CCDC12: variants seen among roughly 807,000 people sequenced by gnomAD.
The protein encoded by CCDC12 is coiled-coil domain-containing protein 12.
In CCDC12, 28 loss-of-function variants were observed where a neutral mutation model predicts 25.7. The ratio of observed to expected loss-of-function variants is 1.09; its 90% confidence interval spans 0.81 to 1.50. CCDC12 has a LOEUF of 1.50. CCDC12 is among the 40% of genes most tolerant of loss of function. The probability of loss-of-function intolerance (pLI) is 0.00; values close to 1 mark genes in which losing one functional copy is unlikely to be tolerated. For missense variants in CCDC12, 198 were observed against 210.0 expected (o/e 0.94, Z 0.35); for synonymous variants, 75 against 87.7 (o/e 0.86, Z 0.81).
chr3:46,929,458 G>A (rs1007582459), intron 2 of CCDC12, among the ~76,000 whole-genome samples: 2 of 152,170 alleles, frequency 1.3e-5, no homozygotes, highest in African/African-American at 4.8e-5. Flanking sequence ...AGGGTGTGAC[G>A]AGATGGTGCC....
intron 2 of CCDC12, among the ~76,000 whole-genome samples, chr3:46,938,848 T>C (rs551677944): frequency 4.7e-4 from 71 of 151,098 alleles, no homozygotes; most frequent in African/African-American, 1.6e-3. Flanking sequence ...CGAGACCCCA[T>C]CTCAAAAAAA....
chr3:46,946,755 G>A (rs1404698187), intron 1 of CCDC12, among the ~76,000 whole-genome samples: 1 of 152,230 alleles, frequency 6.6e-6, no homozygotes, highest in Non-Finnish European at 1.5e-5. Context: ...CTGTCTGTGT[G>A]TCTGTGTTTG....
At position 46,922,094 on chromosome 3, in the gene CCDC12, T is replaced by C. The variant is rs148952908; in HGVS notation, c.464A>G (p.Asp155Gly). Residue 155 changes from aspartate (D) to glycine (G), a missense_variant, in exon 7 of 7, where the codon GAT becomes GGT. Transcript: ENST00000683445. Reference protein sequence around the residue: ...GQEDSLASAVDAATEQKTCDS... With the variant: ...GQEDSLASAVGAATEQKTCDS... Reference sequence around the variant, plus strand: ...ACAGGTCTTTTGTTCGGTGGCAGCATCCACTGCAGAGGCTAGGCTGTCTTC... The same window carrying C: ...ACAGGTCTTTTGTTCGGTGGCAGCACCCACTGCAGAGGCTAGGCTGTCTTC... 1.2e-6 allele frequency: 2 copies of C among 1,614,122 alleles called. No homozygotes were observed. The highest frequency in any genetic ancestry group is 2.7e-5 in the African/African-American group (2 of 74,948).
intron 2 of CCDC12, among the ~76,000 whole-genome samples, chr3:46,940,062 C>A (rs2033637512): frequency 6.6e-6 from 1 of 152,212 alleles, no homozygotes; most frequent in Non-Finnish European, 1.5e-5. Context: ...AGTCTGGCCC[C>A]AGGAAGAGAG....
At chr3:46,939,691 T>C (rs1036881017) in intron 2 of CCDC12, among the ~76,000 whole-genome samples, 10 of 152,098 alleles carry the variant, frequency 6.6e-5, no homozygotes, top group Non-Finnish European at 1.5e-4. Flanking sequence ...ATCACCAGCC[T>C]CTAAGCATAG....
chr3:46,947,213 T>C (rs1045593995), intron 1 of CCDC12, among the ~76,000 whole-genome samples: 4 of 152,222 alleles, frequency 2.6e-5, no homozygotes, highest in African/African-American at 9.6e-5. Flanking sequence ...ACTTTGAGCC[T>C]TTCCAGTTCT....
upstream of CCDC12, among the ~76,000 whole-genome samples, chr3:46,981,125 G>A (rs994145138): frequency 1.3e-5 from 2 of 152,206 alleles, no homozygotes; most frequent in African/African-American, 4.8e-5. Flanking sequence ...CTCGACTTCT[G>A]AGCCTCTGCT....
At chr3:46,944,462 G>A (rs2033829230) in intron 1 of CCDC12, among the ~76,000 whole-genome samples, 1 of 152,094 alleles carries the variant, frequency 6.6e-6, no homozygotes, top group Non-Finnish European at 1.5e-5. Flanking sequence ...AGGAAAGCAG[G>A]CAAGGCCCTA....
chr3:46,978,317 A>G (rs1416632032), upstream of CCDC12, among the ~76,000 whole-genome samples: 2 of 152,176 alleles, frequency 1.3e-5, no homozygotes, highest in Non-Finnish European at 2.9e-5. Flanking sequence ...ATGAAGCAGG[A>G]CAAAAGGCCA....
intron 1 of CCDC12, among the ~76,000 whole-genome samples, chr3:46,949,034 G>A (rs2107156308): frequency 6.6e-6 from 1 of 152,352 alleles, no homozygotes; most frequent in Non-Finnish European, 1.5e-5. Flanking sequence ...CTTATCCTCG[G>A]TGCACAGATT....
chr3:46,946,666 T>C (rs565012289), intron 1 of CCDC12, among the ~76,000 whole-genome samples: 2 of 152,298 alleles, frequency 1.3e-5, no homozygotes, highest in African/African-American at 4.8e-5. Context: ...GCCTACAAGA[T>C]GTGTCATGGG....
At chr3:46,952,184 G>A (rs2034150382) in intron 1 of CCDC12, among the ~76,000 whole-genome samples, 1 of 152,196 alleles carries the variant, frequency 6.6e-6, no homozygotes, top group Middle Eastern at 3.4e-3. Flanking sequence ...CTGGCACTAA[G>A]AGCAGCTGGA....
At chr3:46,933,620 C>T (rs2033321270) in intron 2 of CCDC12, among the ~76,000 whole-genome samples, 1 of 152,228 alleles carries the variant, frequency 6.6e-6, no homozygotes, top group South Asian at 2.1e-4. Context: ...TCTACACTGA[C>T]AAGTTTGAAC....
At chr3:46,970,749 T>C (rs999990843) in intron 1 of CCDC12, among the ~76,000 whole-genome samples, 1 of 152,170 alleles carries the variant, frequency 6.6e-6, no homozygotes, top group African/African-American at 2.4e-5. Flanking sequence ...AGAGCCTCCA[T>C]TTGGCTGCTG....
At chr3:46,929,514 G>A (rs750842009) in intron 2 of CCDC12, among the ~76,000 whole-genome samples, 4 of 152,154 alleles carry the variant, frequency 2.6e-5, no homozygotes, top group Non-Finnish European at 4.4e-5. Flanking sequence ...TTGTCAGCTG[G>A]CCAGGAAATA....
At chr3:46,972,221 C>T (rs2034825825) in intron 1 of CCDC12, among the ~76,000 whole-genome samples, 1 of 152,210 alleles carries the variant, frequency 6.6e-6, no homozygotes, top group Non-Finnish European at 1.5e-5. Context: ...GTAATCCCAA[C>T]ACTTTGGGAG....
intron 2 of CCDC12, among the ~76,000 whole-genome samples, chr3:46,932,720 G>A (rs961279997): frequency 3.3e-5 from 5 of 152,140 alleles, no homozygotes; most frequent in South Asian, 4.1e-4. Context: ...CGTCCTCAGC[G>A]GGTTTCAGAA....
intron 1 of CCDC12, among the ~76,000 whole-genome samples, chr3:46,972,274 G>T: frequency 6.6e-6 from 1 of 152,168 alleles, no homozygotes; most frequent in East Asian, 1.9e-4. Flanking sequence ...TTTGAGATCA[G>T]CTTGGGAAAC....
At chr3:46,953,029 A>G (rs1469535219) in intron 1 of CCDC12, among the ~76,000 whole-genome samples, 3 of 152,202 alleles carry the variant, frequency 2.0e-5, no homozygotes, top group Non-Finnish European at 4.4e-5. Flanking sequence ...TCCATCTGTC[A>G]TCACATGAGA....
Sources: gnomAD v4.1 joint callset for allele counts (sites outside exome capture counted in the v4.1 genomes callset) on GRCh38, gnomAD v4.1.1 for gene constraint, MANE v1.5 for transcripts, NCBI Gene and HGNC (gene_info 2026-07-23, HGNC 2026-07-21) for gene names.